Variants in GRID2IP observed in about 807,000 individuals in gnomAD.
The protein encoded by GRID2IP is Grid2 interacting protein.
GRID2IP carries 78 observed loss-of-function variants against 114.3 expected under a neutral mutation model. The ratio of observed to expected loss-of-function variants is 0.68; its 90% CI spans 0.57 to 0.82. The LOEUF is 0.82. Ranked by LOEUF, GRID2IP falls within the 40% of genes least tolerant of loss-of-function variation. GRID2IP has a pLI of 0.00. For missense variants in GRID2IP, 1,727 were observed against 1,678.5 expected (o/e 1.03, Z -0.51); for synonymous variants, 809 against 724.0 (o/e 1.12, Z -1.89).
intron 7 of GRID2IP, among the ~76,000 whole-genome samples, chr7:6,518,122 T>TG (rs1562518115): frequency 6.6e-6 from 1 of 151,266 alleles, no homozygotes; most frequent in African/African-American, 2.4e-5. Flanking sequence ...CCCAACTACC[T>TG]GGGGGGCAGA....
Position 6,526,055 on chromosome 7 carries a change from T to A in GRID2IP, c.919+169A>T, listed in dbSNP as rs957936581. On this transcript the variant is annotated intron_variant, in intron 4 of 21. Coordinates refer to ENST00000457091, the MANE Select transcript of GRID2IP (RefSeq NM_001145118.2). This position sits in a 1 kb window ranked among gnomAD's most constrained non-coding sequence, Gnocchi z 7.6. ...AGGTAGGAATGGGATTCAGATCTGC[T>A]GGCTCTGGGACACTCTGGGGACACG... Among the ~76,000 whole-genome samples, 1 of 152,144 alleles carries A rather than the reference T, an allele frequency of 6.6e-6. No individual in the cohort carries two copies. The highest frequency in any genetic ancestry group is 6.5e-5 in the Admixed American group (1 of 15,278).
chr7:6,549,398 G>C (rs969195535), intron 1 of GRID2IP, among the ~76,000 whole-genome samples: 5 of 152,124 alleles, frequency 3.3e-5, no homozygotes, highest in African/African-American at 1.2e-4. Context: ...TCCATTCCAG[G>C]CTCCTCATTC....
At chr7:6,542,198 G>C (rs1250637837) in intron 1 of GRID2IP, among the ~76,000 whole-genome samples, 1 of 151,526 alleles carries the variant, frequency 6.6e-6, no homozygotes, top group Non-Finnish European at 1.5e-5. Context: ...CCAGCTACTC[G>C]GGAGGCTGAG....
At chr7:6,504,927 G>T in intron 14 of GRID2IP, 57 bp from the exon 15 acceptor site, 2 of 1,440,638 alleles carry the variant, frequency 1.4e-6, no homozygotes, top group Non-Finnish European at 1.9e-6. Flanking sequence ...CAGTGGGAAG[G>T]CCCAGGGGTG....
chr7:6,544,980 G>A (rs917045873), intron 1 of GRID2IP, among the ~76,000 whole-genome samples: 6 of 152,126 alleles, frequency 3.9e-5, no homozygotes, highest in Admixed American at 1.3e-4. Flanking sequence ...CCAGCTACTC[G>A]GGAGGCTGAG....
rs1315681787 is a variant in GRID2IP, at chr7:6,506,613, A to AGGCT, written c.2545-710_2545-707dup. Among the ~76,000 whole-genome samples the AGGCT allele has an allele frequency of 5.3e-5, 8 of 151,810 alleles. No homozygotes were observed. In the East Asian group the frequency reaches 1.6e-3, roughly 30 times the overall value. On this transcript the variant is annotated intron_variant, in intron 13 of 21. Coordinates refer to ENST00000457091, the MANE Select transcript of GRID2IP (RefSeq NM_001145118.2). This position sits in a 1 kb window ranked among gnomAD's most constrained non-coding sequence, Gnocchi z 5.2. ...GGAGCAATACTTGAAGATCGGTCCA[A>AGGCT]GGCTGGCAGGAGTGAGGTCTCCAGG...
Position 6,509,406 on chromosome 7 carries a change from T to G in GRID2IP, c.1772-93A>C, listed in dbSNP as rs1786698723. The G allele has an allele frequency of 1.7e-6, 2 of 1,164,808 alleles. No homozygotes were observed. Among genetic ancestry groups the G allele is most frequent in the South Asian group, 3.7e-5 (2 of 53,752 alleles). 72.2% of individuals were successfully genotyped at this position (1,164,808 alleles called of 1,614,324 possible). A position where few individuals can be genotyped will look rare whatever the true frequency, so the allele number is the denominator to read the frequency against. On this transcript the variant is annotated intron_variant, in intron 11 of 21. Coordinates refer to ENST00000457091, the MANE Select transcript of GRID2IP (RefSeq NM_001145118.2). This position sits in a 1 kb window ranked among gnomAD's most constrained non-coding sequence, Gnocchi z 4.9. ...AGAGGGTCCTAGGACAGACTGGCTC[T>G]GTGTCCCAGGCCACTCTCCTTTCCC...
intron 1 of GRID2IP, among the ~76,000 whole-genome samples, chr7:6,546,120 T>C (rs549391602): frequency 2.4e-4 from 37 of 151,552 alleles, no homozygotes; most frequent in Non-Finnish European, 4.9e-4. Flanking sequence ...GAGGAAAAAC[T>C]GGGGCAGGCA....
intron 16 of GRID2IP, 87 bp downstream of exon 16, chr7:6,503,404 G>A (rs951545874): frequency 8.4e-6 from 11 of 1,315,920 alleles, no homozygotes; most frequent in Non-Finnish European, 1.1e-5. Flanking sequence ...GGCCCCCGAA[G>A]GCGCGCGGGA....
chr7:6,520,880 T>C lies in GRID2IP; in HGVS notation c.1085-119A>G. The C allele has an allele frequency of 2.1e-6, 2 of 964,148 alleles. No homozygotes were observed. The highest frequency in any genetic ancestry group is 1.5e-6 in the Non-Finnish European group (1 of 657,862). The allele number at this position is 964,148 out of a possible 1,614,324, so 59.7% of individuals were successfully genotyped here. On this transcript the variant is annotated intron_variant, in intron 6 of 21. Coordinates refer to ENST00000457091, the MANE Select transcript of GRID2IP (RefSeq NM_001145118.2). This position sits in a 1 kb window ranked among gnomAD's most constrained non-coding sequence, Gnocchi z 4.6. ...GCTGGGGTGTGGCTGTCCAGTGCCA[T>C]GCATGGGAAGGCATGCCTGTGGCCC...
At chr7:6,499,205 C>T (rs1209327416) in intron 20 of GRID2IP, among the ~76,000 whole-genome samples, 2 of 152,186 alleles carry the variant, frequency 1.3e-5, no homozygotes, top group South Asian at 2.1e-4. Flanking sequence ...ACACAGCAAG[C>T]ACTGTGGTGC....
chr7:6,503,689 T>G lies in GRID2IP; in HGVS notation c.2711-2A>C. 2 of 1,364,420 alleles carry G rather than the reference T, an allele frequency of 1.5e-6. No individual in the cohort carries two copies. Among genetic ancestry groups the G allele is most frequent in the Non-Finnish European group, 1.9e-6 (2 of 1,051,440 alleles). 84.5% of individuals were successfully genotyped at this position (1,364,420 alleles called of 1,614,324 possible). ...GCTTCAGGTGTGCCAAGAGGATGGC[T>G]GCGGGCGGGGCGGGGCGGTGAGCTG... On this transcript the variant is annotated splice_acceptor_variant, in intron 15 of 21. Transcript: ENST00000457091. LOFTEE classifies it high-confidence loss of function.
chr7:6,498,132 C>G lies in GRID2IP; in HGVS notation c.3496G>C (p.Glu1166Gln). The G allele has an allele frequency of 6.4e-7, 1 of 1,551,688 alleles. No individual in the cohort carries two copies. Among genetic ancestry groups the G allele is most frequent in the Non-Finnish European group, 8.7e-7 (1 of 1,146,954 alleles). ...ELGKALAFFG[E>Q]DSKATTSEAF... ...TCAGAGGTGGTGGCCTTGGAATCCT[C>G]CCCAAAGAAGGCCAGCGCCTTGCCC... is the stretch of plus-strand genomic sequence containing the variant. Residue 1166 changes from glutamate (E) to glutamine (Q), a missense_variant, in exon 21 of 22, where the codon GAG becomes CAG. By Grantham distance (29) the Glu-to-Gln change is conservative. Coordinates refer to ENST00000457091, the MANE Select transcript of GRID2IP (RefSeq NM_001145118.2).
chr7:6,513,488 G>C (rs2115061344), intron 8 of GRID2IP, among the ~76,000 whole-genome samples: 1 of 151,700 alleles, frequency 6.6e-6, no homozygotes, highest in South Asian at 2.1e-4. Flanking sequence ...CTAAAATGCT[G>C]GGATTATAGG....
chr7:6,512,667 C>T lies in GRID2IP; in HGVS notation c.1424-1628G>A, dbSNP rs904609103. Among the ~76,000 whole-genome samples the T allele has an allele frequency of 5.9e-5, 9 of 152,182 alleles. No individual in the cohort carries two copies. In the South Asian group the frequency reaches 1.0e-3, roughly 18 times the overall value. The stretch of plus-strand genomic sequence containing the variant: ...TTGGAATTACAACTGCGTACCACCA[C>T]ACCTGGCTTATTTTTGTATTTTTAG... On this transcript the variant is annotated intron_variant, in intron 8 of 21. Transcript: ENST00000457091.
intron 15 of GRID2IP, 45 bp downstream of exon 15, chr7:6,504,748 C>A: frequency 6.8e-7 from 1 of 1,469,144 alleles, no homozygotes; most frequent in Admixed American, 2.0e-5. Flanking sequence ...AGAGAAAGGG[C>A]CGCCGCCTGC....
At position 6,503,704 on chromosome 7, in the gene GRID2IP, G is replaced by C; in HGVS notation, c.2711-17C>G. 1.4e-6 allele frequency: 2 copies of C among 1,462,072 alleles called. No homozygotes were observed. Among genetic ancestry groups the C allele is most frequent in the Non-Finnish European group, 1.8e-6 (2 of 1,113,112 alleles). The allele number at this position is 1,462,072 out of a possible 1,614,324, so 90.6% of individuals were successfully genotyped here. A position where few individuals can be genotyped will look rare whatever the true frequency, so the allele number is the denominator to read the frequency against. On this transcript the variant is annotated splice_polypyrimidine_tract_variant and intron_variant, in intron 15 of 21. Transcript: ENST00000457091. ...AGAGGATGGCTGCGGGCGGGGCGGG[G>C]CGGTGAGCTGGGCGGGGCCGGAGCG...
At chr7:6,502,276 G>A (rs924617314) in intron 18 of GRID2IP, among the ~76,000 whole-genome samples, 158 bp from the exon 19 acceptor site, 1 of 152,014 alleles carries the variant, frequency 6.6e-6, no homozygotes, top group Admixed American at 6.6e-5. Flanking sequence ...CCAGGCTGGA[G>A]TGCAGTGGCT....
intron 16 of GRID2IP, 84 bp from the exon 17 acceptor site, chr7:6,503,247 G>A (rs547497091): frequency 3.6e-4 from 179 of 504,062 alleles, no homozygotes; most frequent in Middle Eastern, 6.5e-4. Context: ...GGGAGGGGGG[G>A]ATCTGCTGGC....
Sources: allele counts gnomAD v4.1 joint callset (sites outside exome capture counted in the v4.1 genomes callset), GRCh38; gene constraint gnomAD v4.1.1; non-coding constraint Gnocchi (gnomAD v3.1); transcripts MANE v1.5; gene names NCBI Gene and HGNC (gene_info 2026-07-23, HGNC 2026-07-21).